DYRK1A: variants seen among roughly 807,000 people sequenced by gnomAD.
DYRK1A encodes dual specificity tyrosine phosphorylation regulated kinase 1A, also known as dual specificity tyrosine-phosphorylation-regulated kinase 1A.
Under a neutral mutation model 79.7 loss-of-function variants are expected in DYRK1A, and 9 were observed. That is an observed-to-expected ratio of 0.11 (90% CI 0.07 to 0.20). DYRK1A has a LOEUF of 0.20. Ranked by LOEUF, DYRK1A falls within the 10% of genes least tolerant of loss-of-function variation. The pLI, the probability that DYRK1A is intolerant of heterozygous loss-of-function variation, is 1.00. For missense variants in DYRK1A, 622 were observed against 956.0 expected, an observed-to-expected ratio of 0.65 and a Z score of 4.61; for synonymous variants, 349 against 329.7, an observed-to-expected ratio of 1.06 and a Z score of -0.63.
rs1006968791 is a variant in DYRK1A, at chr21:37,514,955, A to G, written c.*2424A>G. On this transcript the variant is annotated 3_prime_UTR_variant, in exon 12 of 12. Coordinates refer to ENST00000647188, the MANE Select transcript of DYRK1A (RefSeq NM_001347721.2). ...ATCCAATGCTTCTGCATACTGTGTT[A>G]TGTTACAGTCCAGTTTTGTGTGCTT... The G allele has an allele frequency of 5.9e-5, 9 of 152,618 alleles. No homozygotes were observed. The highest frequency in any genetic ancestry group is 1.3e-4 in the Non-Finnish European group (9 of 68,042). 9.5% of individuals were successfully genotyped at this position (152,618 alleles called of 1,614,324 possible). A position where few individuals can be genotyped will look rare whatever the true frequency, so the allele number is the denominator to read the frequency against.
chr21:37,441,055 CTG>C (rs1242153906), intron 2 of DYRK1A, among the ~76,000 whole-genome samples: 2 of 151,586 alleles, frequency 1.3e-5, no homozygotes, highest in African/African-American at 2.4e-5. Flanking sequence ...TTTTTTTGGT[CTG>C]TGTGTTTTAA....
chr21:37,480,544 C>A, intron 4 of DYRK1A, 94 bp from the exon 5 acceptor site: 1 of 949,366 alleles, frequency 1.1e-6, no homozygotes, highest in Non-Finnish European at 1.5e-6. Context: ...CAAATGTCAA[C>A]TGTAGAAAAT....
chr21:37,463,113 T>C (rs2051899589), intron 2 of DYRK1A, among the ~76,000 whole-genome samples: 1 of 152,094 alleles, frequency 6.6e-6, no homozygotes, highest in African/African-American at 2.4e-5. Flanking sequence ...GCAATTTCAT[T>C]GTGTTTCTAG....
At chr21:37,443,535 G>A (rs1284323409) in intron 2 of DYRK1A, among the ~76,000 whole-genome samples, 1 of 152,152 alleles carries the variant, frequency 6.6e-6, no homozygotes, top group Admixed American at 6.5e-5. Context: ...GGAACAGTCG[G>A]GTTACTTAGA....
intron 2 of DYRK1A, among the ~76,000 whole-genome samples, chr21:37,444,381 A>G (rs1303825445): frequency 6.6e-6 from 1 of 152,240 alleles, no homozygotes; most frequent in African/African-American, 2.4e-5. Flanking sequence ...AGGCTTAGGC[A>G]TCTGGAGTGA....
intron 2 of DYRK1A, chr21:37,456,158 A>G (rs2051629600): frequency 6.6e-6 from 1 of 152,288 alleles, no homozygotes; most frequent in Non-Finnish European, 1.5e-5. Context: ...TTAAGCTGCT[A>G]CTTGAAAGAG....
At chr21:37,411,876 A>G (rs1214629914) in intron 1 of DYRK1A, among the ~76,000 whole-genome samples, 2 of 152,196 alleles carry the variant, frequency 1.3e-5, no homozygotes, top group Admixed American at 6.5e-5. Flanking sequence ...TTGAAAAACA[A>G]ATACAATCAT....
rs201238526 is a variant in DYRK1A, at chr21:37,398,132, GTA to G, written c.-76-22155_-76-22154del. ...TTGTATATTTTATATTTATATATGT[GTA>G]TATATATATATTTTTTTACCCTGCA... On this transcript the variant is annotated intron_variant, in intron 1 of 11. Coordinates refer to ENST00000647188, the MANE Select transcript of DYRK1A (RefSeq NM_001347721.2). Among the ~76,000 whole-genome samples the G allele has an allele frequency of 7.5e-5, 11 of 146,250 alleles. No homozygotes were observed. In the East Asian group the frequency reaches 2.0e-3, roughly 26 times the overall value.
chr21:37,437,443 G>A (rs2050957327), intron 2 of DYRK1A, among the ~76,000 whole-genome samples: 1 of 152,014 alleles, frequency 6.6e-6, no homozygotes, highest in African/African-American at 2.4e-5. Flanking sequence ...GTTTTGAATG[G>A]GTTAAAAGTT....
At chr21:37,444,289 G>C (rs1051192895) in intron 2 of DYRK1A, among the ~76,000 whole-genome samples, 4 of 152,170 alleles carry the variant, frequency 2.6e-5, no homozygotes, top group African/African-American at 9.7e-5. Context: ...TACCCGAATT[G>C]AATACGTTAA....
At chr21:37,446,468 AT>A (rs1182385515) in intron 2 of DYRK1A, among the ~76,000 whole-genome samples, 2 of 152,072 alleles carry the variant, frequency 1.3e-5, no homozygotes, top group African/African-American at 4.8e-5. Context: ...ATTTAAATTG[AT>A]TTTCCCTATT....
chr21:37,511,884 A>C (rs767788897), intron 11 of DYRK1A, 27 bp from the exon 12 acceptor site: 197 of 1,598,562 alleles, frequency 1.2e-4, no homozygotes, highest in Non-Finnish European at 1.7e-4. Context: ...TCCTCTGAAA[A>C]ATCCTTTTAA....
chr21:37,452,677 G>A (rs2051494048), intron 2 of DYRK1A, among the ~76,000 whole-genome samples: 1 of 151,788 alleles, frequency 6.6e-6, no homozygotes, highest in East Asian at 1.9e-4. Context: ...GGAGCAGGGA[G>A]AGGAATCCCA....
chr21:37,503,153 G>T (rs1426073420), intron 9 of DYRK1A: 1 of 152,008 alleles, frequency 6.6e-6, no homozygotes. Flanking sequence ...TGGATCTGTG[G>T]GTTGATCTCT....
At chr21:37,389,135 C>A (rs907890415) in intron 1 of DYRK1A, among the ~76,000 whole-genome samples, 3 of 151,594 alleles carry the variant, frequency 2.0e-5, no homozygotes, top group Non-Finnish European at 4.4e-5. Flanking sequence ...ACCTTAGCCT[C>A]CCAAAGTGTT....
Position 37,522,430 on chromosome 21 carries a change from T to C in DYRK1A, c.*9899T>C, listed in dbSNP as rs1359593949. The C allele has an allele frequency of 6.6e-6, 1 of 152,292 alleles. No individual in the cohort carries two copies. Among genetic ancestry groups the C allele is most frequent in the Non-Finnish European group, 1.5e-5 (1 of 68,070 alleles). 9.4% of individuals were successfully genotyped at this position (152,292 alleles called of 1,614,324 possible). A position where few individuals can be genotyped will look rare whatever the true frequency, so the allele number is the denominator to read the frequency against. On this transcript the variant is annotated 3_prime_UTR_variant, in exon 12 of 12. Coordinates refer to ENST00000647188, the MANE Select transcript of DYRK1A (RefSeq NM_001347721.2). ...AGTCTGTCTTCTAGTCAGGCCTCTT[T>C]CCAGTTCTCCACGCTGACCTTGACT...
At chr21:37,384,079 C>T (rs954882557) in intron 1 of DYRK1A, among the ~76,000 whole-genome samples, 1 of 152,084 alleles carries the variant, frequency 6.6e-6, no homozygotes, top group Admixed American at 6.5e-5. Flanking sequence ...CAGTTTTCTG[C>T]TTGAAGGCAC....
chr21:37,430,632 G>A (rs929227913), intron 2 of DYRK1A, among the ~76,000 whole-genome samples: 1 of 152,314 alleles, frequency 6.6e-6, no homozygotes, highest in Non-Finnish European at 1.5e-5. Flanking sequence ...GCAGGCTTCA[G>A]TTTATTTAGC....
At chr21:37,396,527 TG>T (rs959510297) in intron 1 of DYRK1A, among the ~76,000 whole-genome samples, 3 of 137,532 alleles carry the variant, frequency 2.2e-5, no homozygotes, top group Admixed American at 7.2e-5. Context: ...AAAGTTTTTT[TG>T]TTTTTTTTTT....
Sources: allele counts gnomAD v4.1 joint callset (sites outside exome capture counted in the v4.1 genomes callset), GRCh38; gene constraint gnomAD v4.1.1; transcripts MANE v1.5; gene names NCBI Gene and HGNC (gene_info 2026-07-23, HGNC 2026-07-21).